Variants in RANBP2 observed in about 807,000 individuals in gnomAD.
RANBP2 encodes the protein E3 SUMO-protein ligase RanBP2.
A neutral mutation model predicts 303.6 loss-of-function variants in RANBP2; 57 were observed. That is an observed-to-expected ratio of 0.19 (90% CI 0.15 to 0.23). RANBP2 has a LOEUF of 0.23. Among genes scored for constraint, RANBP2 ranks in the 10% least tolerant of loss-of-function variants. The pLI, the probability that RANBP2 is intolerant of heterozygous loss-of-function variation, is 1.00. For missense variants in RANBP2, 3,138 were observed against 3,780.8 expected (o/e 0.83, Z 4.46); for synonymous variants, 1,167 against 1,301.5 (o/e 0.90, Z 2.23).
the RANBP2 span, among the ~76,000 whole-genome samples, chr2:108,903,047 A>G: frequency 6.6e-6 from 1 of 152,218 alleles, no homozygotes; most frequent in Non-Finnish European, 1.5e-5. Flanking sequence ...GAATTCAGCA[A>G]GGTCACAGGA....
the RANBP2 span, among the ~76,000 whole-genome samples, chr2:108,890,078 C>T: frequency 1.1e-3 from 167 of 151,296 alleles, no homozygotes; most frequent in African/African-American, 3.9e-3. Flanking sequence ...AAGACTAGTT[C>T]TCTTTCATTT....
intron 25 of RANBP2, 129 bp downstream of exon 25, chr2:108,777,360 T>A: frequency 1.9e-6 from 1 of 526,300 alleles, no homozygotes; most frequent in Non-Finnish European, 3.2e-6. Flanking sequence ...TGTTTTAGTG[T>A]TTTAATAATG....
chr2:109,070,019 G>T, the RANBP2 span, among the ~76,000 whole-genome samples: 1 of 152,212 alleles, frequency 6.6e-6, no homozygotes, highest in Non-Finnish European at 1.5e-5. Flanking sequence ...CTCAAAGGAA[G>T]GCCATTAAGA....
chr2:108,794,665 C>G, the RANBP2 span: 2 of 1,614,034 alleles, frequency 1.2e-6, no homozygotes, highest in Non-Finnish European at 8.5e-7. Context: ...GAGTTTACTT[C>G]CACATCAGAT....
chr2:109,115,305 T>C, the RANBP2 span, among the ~76,000 whole-genome samples: 1 of 152,324 alleles, frequency 6.6e-6, no homozygotes, highest in Admixed American at 6.5e-5. Flanking sequence ...TTTATGAAAC[T>C]GGGTGCTCCT....
At chr2:109,715,530 G>C in the RANBP2 span, among the ~76,000 whole-genome samples, 110 of 152,272 alleles carry the variant, frequency 7.2e-4, no homozygotes, top group Admixed American at 3.4e-3. Flanking sequence ...CAAGGTGTGA[G>C]GAAAGGGCAT....
chr2:109,211,730 C>T, the RANBP2 span, among the ~76,000 whole-genome samples: 1 of 151,930 alleles, frequency 6.6e-6, no homozygotes, highest in Non-Finnish European at 1.5e-5. Context: ...CTTCAACCTC[C>T]GCCTGCTGGG....
the RANBP2 span, among the ~76,000 whole-genome samples, chr2:108,948,648 A>C: frequency 6.6e-6 from 1 of 152,192 alleles, no homozygotes; most frequent in Non-Finnish European, 1.5e-5. Flanking sequence ...GGGGAGTGCC[A>C]GACACTTATC....
chr2:109,316,110 C>T, the RANBP2 span, among the ~76,000 whole-genome samples: 1 of 152,090 alleles, frequency 6.6e-6, no homozygotes, highest in Non-Finnish European at 1.5e-5. Flanking sequence ...GCAGGAAAAA[C>T]CTAAAGCTTT....
chr2:109,010,026 TGTAAA>T, the RANBP2 span, among the ~76,000 whole-genome samples: 1 of 152,182 alleles, frequency 6.6e-6, no homozygotes, highest in Non-Finnish European at 1.5e-5. Flanking sequence ...CTGGATGTAC[TGTAAA>T]GTATTTAACA....
chr2:108,800,030 A>G, the RANBP2 span, among the ~76,000 whole-genome samples: 1 of 152,172 alleles, frequency 6.6e-6, no homozygotes, highest in African/African-American at 2.4e-5. Flanking sequence ...CTTTTACCTC[A>G]TGGAGCATAG....
chr2:109,332,739 A>AC, the RANBP2 span, among the ~76,000 whole-genome samples: 2 of 152,040 alleles, frequency 1.3e-5, no homozygotes, highest in Admixed American at 1.3e-4. Flanking sequence ...AGGAGCAGCC[A>AC]CCCCGCCCCC....
chr2:109,050,441 T>TG, the RANBP2 span, among the ~76,000 whole-genome samples: 108,484 of 151,656 alleles, frequency 0.72, 41,839 homozygotes, highest in Non-Finnish European at 0.88. Context: ...TTTGTAGAGA[T>TG]GGGGGGTCTC....
the RANBP2 span, among the ~76,000 whole-genome samples, chr2:109,263,157 G>A: frequency 1.3e-5 from 2 of 152,114 alleles, no homozygotes; most frequent in Non-Finnish European, 2.9e-5. Context: ...CAATCACTTT[G>A]TTAAATGAGT....
the RANBP2 span, chr2:108,897,130 C>T: frequency 2.5e-6 from 4 of 1,613,862 alleles, no homozygotes; most frequent in Non-Finnish European, 3.4e-6. Flanking sequence ...GGCGAGGTGG[C>T]GCCACGTTTT....
the RANBP2 span, chr2:109,564,365 C>A: frequency 3.9e-6 from 6 of 1,550,644 alleles, no homozygotes; most frequent in Admixed American, 1.9e-5. Context: ...CCCCACCCTA[C>A]CTGACTGGCT....
At chr2:109,149,247 T>C in the RANBP2 span, among the ~76,000 whole-genome samples, 1 of 152,124 alleles carries the variant, frequency 6.6e-6, no homozygotes, top group African/African-American at 2.4e-5. Context: ...AGTCAGACAC[T>C]AAGAATGTTC....
the RANBP2 span, among the ~76,000 whole-genome samples, chr2:109,144,517 G>C: frequency 1.7e-4 from 26 of 152,340 alleles, no homozygotes; most frequent in Non-Finnish European, 3.4e-4. Context: ...TTGTATGAGG[G>C]AAGAGTTTGA....
chr2:108,843,900 T>C, the RANBP2 span, among the ~76,000 whole-genome samples: 3 of 142,314 alleles, frequency 2.1e-5, no homozygotes. Flanking sequence ...TTTTTTTTTT[T>C]TTTTTTTTGA....
Sources: allele counts gnomAD v4.1 joint callset (sites outside exome capture counted in the v4.1 genomes callset), GRCh38; gene constraint gnomAD v4.1.1; transcripts MANE v1.5; gene names NCBI Gene and HGNC (gene_info 2026-07-23, HGNC 2026-07-21).